UGT2B4: variants seen among roughly 807,000 people sequenced by gnomAD.
UGT2B4 encodes UDP glucuronosyltransferase family 2 member B4.
In UGT2B4, 49 loss-of-function variants were observed where a neutral mutation model predicts 49.8. The ratio of observed to expected loss-of-function variants is 0.98; its 90% confidence interval spans 0.78 to 1.25. UGT2B4 has a LOEUF of 1.25. Ranked by LOEUF, UGT2B4 falls within the 50% of genes most tolerant of loss-of-function variation. The probability of loss-of-function intolerance (pLI) is 0.00; values close to 1 mark genes in which losing one functional copy is unlikely to be tolerated. For synonymous variants in UGT2B4, 246 were observed against 217.7 expected (o/e 1.13, Z -1.14); for missense variants, 729 against 627.7 (o/e 1.16, Z -1.73).
At chr4:69,485,473 G>A in intron 4 of UGT2B4, 46 bp from the exon 5 acceptor site, 1 of 1,603,024 alleles carries the variant, frequency 6.2e-7, no homozygotes, top group South Asian at 1.1e-5. Flanking sequence ...GGAATAAAAT[G>A]AGAAATGCAC....
chr4:69,484,979 A>G (rs559374125), intron 5 of UGT2B4, among the ~76,000 whole-genome samples: 44 of 152,266 alleles, frequency 2.9e-4, no homozygotes, highest in Non-Finnish European at 5.3e-4. Flanking sequence ...ATCACTTTAA[A>G]ATTATTTTTG....
intron 4 of UGT2B4, among the ~76,000 whole-genome samples, chr4:69,486,088 G>A (rs1045111505): frequency 5.3e-5 from 8 of 152,070 alleles, no homozygotes; most frequent in South Asian, 2.1e-4. Context: ...GTACAGTCAC[G>A]GAGTGTGATA....
At position 69,480,203 on chromosome 4, in the gene UGT2B4, A is replaced by G; in HGVS notation, c.*431T>C. The G allele has an allele frequency of 6.3e-6, 1 of 157,844 alleles. No homozygotes were observed. Among genetic ancestry groups the G allele is most frequent in the East Asian group, 1.8e-4 (1 of 5,438 alleles). 9.8% of individuals were successfully genotyped at this position (157,844 alleles called of 1,614,324 possible). Reference sequence around the variant, plus strand: ...TTTATTAGCTTCCTCAACAACAGTTAAAACAACACAATCCTGCATGAAATG... The same window carrying G: ...TTTATTAGCTTCCTCAACAACAGTTGAAACAACACAATCCTGCATGAAATG... On this transcript the variant is annotated 3_prime_UTR_variant, in exon 6 of 6. Transcript: ENST00000305107.
At chr4:69,490,188 A>G (rs1182396463) in intron 2 of UGT2B4, among the ~76,000 whole-genome samples, 1 of 152,134 alleles carries the variant, frequency 6.6e-6, no homozygotes, top group East Asian at 1.9e-4. Context: ...CACTGACATT[A>G]TGGAGTCTGC....
intron 1 of UGT2B4, among the ~76,000 whole-genome samples, chr4:69,508,141 T>C (rs1337531740): frequency 6.6e-6 from 1 of 151,882 alleles, no homozygotes; most frequent in East Asian, 1.9e-4. Context: ...AAAACCACAA[T>C]GAGATACCAA....
rs542026319 is a variant in UGT2B4, at chr4:69,513,298, A to T, written c.-106+12389T>A. 2.1e-3 allele frequency among the ~76,000 whole-genome samples: 317 copies of T among 152,320 alleles called. 1 individual carries two copies. Among genetic ancestry groups the T allele is most frequent in the African/African-American group, 7.4e-3 (309 of 41,578 alleles). ...AAGGTGTCCAGTCTCAATTTTCTGC[A>T]TATGGCTAGCCAGCACTCCCCACAT... On this transcript the variant is annotated intron_variant, in intron 1 of 1. Coordinates refer to the UGT2B4 transcript ENST00000510114.
At chr4:69,486,995 GA>G (rs1395904115) in intron 3 of UGT2B4, among the ~76,000 whole-genome samples, 1 of 151,988 alleles carries the variant, frequency 6.6e-6, no homozygotes, top group Non-Finnish European at 1.5e-5. Flanking sequence ...ACCACTATAT[GA>G]AAAAAAGGTT....
At chr4:69,516,868 A>G (rs1259350980) in intron 1 of UGT2B4, among the ~76,000 whole-genome samples, 1 of 148,144 alleles carries the variant, frequency 6.8e-6, no homozygotes, top group East Asian at 1.9e-4. Flanking sequence ...TTACGCTCCC[A>G]AAGGCTTCTT....
intron 5 of UGT2B4, among the ~76,000 whole-genome samples, chr4:69,483,635 TTTTC>T (rs1307554690): frequency 6.6e-6 from 1 of 152,172 alleles, no homozygotes; most frequent in Non-Finnish European, 1.5e-5. Context: ...TATCCTTCTA[TTTTC>T]TTTGTGATAA....
chr4:69,514,850 T>G (rs1728690123), intron 1 of UGT2B4, among the ~76,000 whole-genome samples: 1 of 152,116 alleles, frequency 6.6e-6, no homozygotes, highest in Non-Finnish European at 1.5e-5. Flanking sequence ...GAAGAAAATC[T>G]AGAAACAAAT....
At chr4:69,497,434 A>G (rs558500749), upstream of UGT2B4, among the ~76,000 whole-genome samples, 15 of 152,038 alleles carry the variant, frequency 9.9e-5, no homozygotes, top group East Asian at 2.9e-3. Flanking sequence ...CAATTATTAT[A>G]CTCTTTCTTT....
At chr4:69,507,502 C>T (rs553721463) in intron 1 of UGT2B4, among the ~76,000 whole-genome samples, 5 of 152,190 alleles carry the variant, frequency 3.3e-5, no homozygotes, top group Admixed American at 6.5e-5. Flanking sequence ...CCAAGGAATA[C>T]AGATAGGTGA....
At position 69,485,211 on chromosome 4, in the gene UGT2B4, G is replaced by A; in HGVS notation, c.1307C>T (p.Pro436Leu). 1.2e-6 allele frequency: 2 copies of A among 1,613,792 alleles called. No individual in the cohort carries two copies. Among genetic ancestry groups the A allele is most frequent in the Middle Eastern group, 1.7e-4 (1 of 6,060 alleles). ...GTAAAAAAAAAGTTATACTCACAAAGGATCATTAATTACTGTCTTCAGTGC... is the reference window on the plus strand; with the variant it reads ...GTAAAAAAAAAGTTATACTCACAAAAGATCATTAATTACTGTCTTCAGTGC... ...LNALKTVINDPLYKENAMKLS... is the reference protein window; with the variant it reads ...LNALKTVINDLLYKENAMKLS... Residue 436 changes from proline to leucine, a missense_variant, in exon 5 of 6, where the codon CCT (proline) becomes CTT (leucine). Coordinates refer to ENST00000305107, the MANE Select transcript of UGT2B4 (RefSeq NM_021139.3).
At chr4:69,524,687 C>A (rs1728932474) in intron 1 of UGT2B4, among the ~76,000 whole-genome samples, 1 of 90,214 alleles carries the variant, frequency 1.1e-5, no homozygotes, top group Admixed American at 1.4e-4. Context: ...TTGCCACAAA[C>A]CCTCAACTTA....
At chr4:69,513,402 A>G (rs1220836316) in intron 1 of UGT2B4, among the ~76,000 whole-genome samples, 1 of 151,998 alleles carries the variant, frequency 6.6e-6, no homozygotes, top group African/African-American at 2.4e-5. Context: ...GTAGGTGTGC[A>G]GTCTTATTTC....
At chr4:69,481,050 A>T (rs1013687922) in intron 5 of UGT2B4, 140 bp from the exon 6 acceptor site, 3 of 497,862 alleles carry the variant, frequency 6.0e-6, no homozygotes, top group African/African-American at 2.1e-5. Flanking sequence ...CATCCTGGCT[A>T]ACACGGTGAA....
At chr4:69,525,385 C>G (rs1728957124) in intron 1 of UGT2B4, among the ~76,000 whole-genome samples, 1 of 152,082 alleles carries the variant, frequency 6.6e-6, no homozygotes, top group Non-Finnish European at 1.5e-5. Flanking sequence ...AGCAAAGGCA[C>G]TGATGTGGTT....
intron 1 of UGT2B4, chr4:69,525,684 T>TA: frequency 7.8e-7 from 1 of 1,278,064 alleles, no homozygotes; most frequent in Non-Finnish European, 1.0e-6. Flanking sequence ...TTATAGCACT[T>TA]ACCTAATCCA....
chr4:69,525,232 T>C (rs1046250543), intron 1 of UGT2B4, among the ~76,000 whole-genome samples: 7 of 152,136 alleles, frequency 4.6e-5, no homozygotes, highest in African/African-American at 1.7e-4. Context: ...AGCTCACATG[T>C]AGGAAAAATG....
Sources: allele counts gnomAD v4.1 joint callset (sites outside exome capture counted in the v4.1 genomes callset), GRCh38; gene constraint gnomAD v4.1.1; transcripts MANE v1.5; gene names NCBI Gene and HGNC (gene_info 2026-07-23, HGNC 2026-07-21).